Variants in NADSYN1 observed in about 807,000 individuals in gnomAD.
NADSYN1 encodes the protein NAD synthetase 1, also known as glutamine-dependent NAD(+) synthetase.
NADSYN1 carries 80 observed loss-of-function variants against 99.3 expected under a neutral mutation model. That is an observed-to-expected ratio of 0.81 (90% CI 0.67 to 0.97). The LOEUF (loss-of-function observed/expected upper bound fraction) is 0.97, where lower values mean the gene tolerates loss of function less well. NADSYN1 is among the 50% of genes least tolerant of loss of function. The probability of loss-of-function intolerance (pLI) is 0.00; values close to 1 mark genes in which losing one functional copy is unlikely to be tolerated. For synonymous variants in NADSYN1, 385 were observed against 372.1 expected (o/e 1.03, Z -0.40); for missense variants, 859 against 948.5 (o/e 0.91, Z 1.24).
At chr11:71,463,403 C>G in intron 3 of NADSYN1, 29 bp from the exon 4 acceptor site, 5 of 1,599,486 alleles carry the variant, frequency 3.1e-6, no homozygotes, top group Non-Finnish European at 4.3e-6. Context: ...ACCGGGCAGA[C>G]ACACATGTAC....
At chr11:71,483,838 G>A (rs1027935169) in intron 14 of NADSYN1, among the ~76,000 whole-genome samples, 21 of 152,336 alleles carry the variant, frequency 1.4e-4, no homozygotes, top group Admixed American at 3.9e-4. Flanking sequence ...CCATTCACAC[G>A]GTGGAATATT....
chr11:71,497,719 T>G, intron 19 of NADSYN1, 108 bp downstream of exon 19: 1 of 1,389,394 alleles, frequency 7.2e-7, no homozygotes, highest in African/African-American at 1.4e-5. Context: ...GACCCTAACG[T>G]AATAAAACTG....
chr11:71,489,482 G>A (rs1431703999), intron 16 of NADSYN1, among the ~76,000 whole-genome samples: 1 of 152,204 alleles, frequency 6.6e-6, no homozygotes, highest in Non-Finnish European at 1.5e-5. Context: ...GATTTCCCCA[G>A]ACTGTGCTCT....
chr11:71,488,337 G>A (rs1949757747), intron 16 of NADSYN1, among the ~76,000 whole-genome samples: 1 of 151,942 alleles, frequency 6.6e-6, no homozygotes, highest in African/African-American at 2.4e-5. Flanking sequence ...GAGTTTGTAA[G>A]CAGCTTGCCC....
At chr11:71,463,225 C>T (rs944685982) in intron 3 of NADSYN1, among the ~76,000 whole-genome samples, 6 of 152,152 alleles carry the variant, frequency 3.9e-5, no homozygotes, top group Admixed American at 6.5e-5. Flanking sequence ...GGCTTAGAGT[C>T]GGTGCTGCCT....
At position 71,485,572 on chromosome 11, in the gene NADSYN1, T is replaced by C; in HGVS notation, c.1486T>C (p.Phe496Leu). ...AATACGGATGGTCCTCGCCTATCTG[T>C]TTGCTCAGTTGAGCCTCTGGTCTCG... ...ARIRMVLAYL[F>L]AQLSLWSRGV... Residue 496 changes from phenylalanine (F) to leucine (L), a missense_variant, in exon 16 of 21, where the codon TTT becomes CTT. Phe to Leu is a conservative substitution (Grantham distance 22, BLOSUM62 0). Coordinates refer to ENST00000319023, the MANE Select transcript of NADSYN1 (RefSeq NM_018161.5). 1 of 1,562,212 alleles carries C rather than the reference T, an allele frequency of 6.4e-7. No homozygotes were observed. The highest frequency in any genetic ancestry group is 8.7e-7 in the Non-Finnish European group (1 of 1,152,386).
At chr11:71,455,197 G>T (rs759047175) in intron 2 of NADSYN1, 27 bp downstream of exon 2, 3 of 1,596,004 alleles carry the variant, frequency 1.9e-6, no homozygotes, top group African/African-American at 1.3e-5. Flanking sequence ...ACACCCTGGG[G>T]TCGTCAGCTA....
chr11:71,501,464 G>C lies in NADSYN1; in HGVS notation c.*112G>C. 1 of 1,010,478 alleles carries C rather than the reference G, an allele frequency of 9.9e-7. No homozygotes were observed. Among genetic ancestry groups the C allele is most frequent in the Non-Finnish European group, 1.5e-6 (1 of 687,398 alleles). 62.6% of individuals were successfully genotyped at this position (1,010,478 alleles called of 1,614,324 possible). ...CACTAGGAGCCCAGGATGGGACGGC[G>C]CATCAGCCGAGAGGGAGGGAACTTT... On this transcript the variant is annotated 3_prime_UTR_variant, in exon 21 of 21. Coordinates refer to ENST00000319023, the MANE Select transcript of NADSYN1 (RefSeq NM_018161.5).
intron 3 of NADSYN1, among the ~76,000 whole-genome samples, chr11:71,459,292 C>A (rs879727870): frequency 6.6e-6 from 1 of 151,164 alleles, no homozygotes; most frequent in Non-Finnish European, 1.5e-5. Context: ...CCTATGGAGG[C>A]CTCTGTGTGC....
At chr11:71,474,890 T>C (rs960064867) in intron 9 of NADSYN1, 2 of 334,854 alleles carry the variant, frequency 6.0e-6, no homozygotes, top group African/African-American at 4.3e-5. Flanking sequence ...CACATAGTAG[T>C]GGACGGATGA....
At chr11:71,466,973 TG>T (rs199888316) in intron 5 of NADSYN1, among the ~76,000 whole-genome samples, 21 of 150,008 alleles carry the variant, frequency 1.4e-4, no homozygotes, top group Non-Finnish European at 2.8e-4. Flanking sequence ...GAACTGGAGG[TG>T]GGGGGGTGGG....
chr11:71,484,887 G>A (rs894175362), intron 15 of NADSYN1: 2 of 177,590 alleles, frequency 1.1e-5, no homozygotes, highest in African/African-American at 6.0e-5. Flanking sequence ...GCAAGTGTGA[G>A]TGTGGATGTG....
chr11:71,457,121 C>T (rs1216905617), intron 2 of NADSYN1, among the ~76,000 whole-genome samples: 6 of 152,206 alleles, frequency 3.9e-5, no homozygotes, highest in African/African-American at 9.6e-5. Flanking sequence ...TGCAGCGGGA[C>T]GTGTGGTGTT....
chr11:71,484,396 T>C lies in NADSYN1; in HGVS notation c.1404T>C (p.Phe468=). The C allele has an allele frequency of 6.2e-7, 1 of 1,614,208 alleles. No homozygotes were observed. The highest frequency in any genetic ancestry group is 8.5e-7 in the Non-Finnish European group (1 of 1,180,018). Reference sequence around the variant, plus strand: ...TGGTGACGGGGAAGAGCCCTCTGTTTGCAGCTCATGGAGGAAGCAGCAGGG... The same window carrying C: ...TGGTGACGGGGAAGAGCCCTCTGTTCGCAGCTCATGGAGGAAGCAGCAGGG... The part of the protein sequence containing the change: ...FSLVTGKSPL[F]AAHGGSSREN... Residue 468 remains phenylalanine, a synonymous_variant, in exon 15 of 21, where the codon TTT becomes TTC. Coordinates refer to ENST00000319023, the MANE Select transcript of NADSYN1 (RefSeq NM_018161.5).
At position 71,481,814 on chromosome 11, in the gene NADSYN1, G is replaced by T. The variant is rs899982276; in HGVS notation, c.1048-109G>T. 7.9e-6 allele frequency: 7 copies of T among 883,264 alleles called. No individual in the cohort carries two copies. In the Admixed American group the frequency reaches 1.6e-4, roughly 20 times the overall value. 54.7% of individuals were successfully genotyped at this position (883,264 alleles called of 1,614,324 possible). On this transcript the variant is annotated intron_variant, in intron 12 of 20. Coordinates refer to ENST00000319023, the MANE Select transcript of NADSYN1 (RefSeq NM_018161.5). ...CCCCATGGAAAGTGCTAACACCCAC[G>T]TGCATTTCTGTGGACGCCTCCTTGA...
At chr11:71,493,390 G>A (rs1949796977) in intron 18 of NADSYN1, among the ~76,000 whole-genome samples, 1 of 151,936 alleles carries the variant, frequency 6.6e-6, no homozygotes, top group Non-Finnish European at 1.5e-5. Flanking sequence ...CATATACCCT[G>A]CACCTTGTTG....
chr11:71,494,461 C>A (rs1056014709), intron 18 of NADSYN1, among the ~76,000 whole-genome samples: 1 of 152,200 alleles, frequency 6.6e-6, no homozygotes, highest in East Asian at 1.9e-4. Context: ...GACGCAGTGG[C>A]CTGTCTATGT....
At chr11:71,474,289 C>G in intron 8 of NADSYN1, 106 bp from the exon 9 acceptor site, 1 of 1,463,362 alleles carries the variant, frequency 6.8e-7, no homozygotes, top group South Asian at 1.2e-5. Context: ...TGGGACCACT[C>G]AGGATGACCT....
chr11:71,485,424 G>C, intron 15 of NADSYN1, 118 bp from the exon 16 acceptor site: 1 of 760,918 alleles, frequency 1.3e-6, no homozygotes, highest in Admixed American at 3.1e-5. Context: ...GATGTTCCCC[G>C]AACGCTAGAG....
Sources: allele counts gnomAD v4.1 joint callset (sites outside exome capture counted in the v4.1 genomes callset), GRCh38; gene constraint gnomAD v4.1.1; transcripts MANE v1.5; gene names NCBI Gene and HGNC (gene_info 2026-07-23, HGNC 2026-07-21).